The following COL18A1 variants were observed in gnomAD, a reference collection of about 807,000 sequenced individuals.
COL18A1 encodes the protein collagen type XVIII alpha 1 chain.
Under a neutral mutation model 168.0 loss-of-function variants are expected in COL18A1, and 133 were observed. That is an observed-to-expected ratio of 0.79 (90% confidence interval 0.69 to 0.91). The LOEUF (loss-of-function observed/expected upper bound fraction) is 0.91, where lower values mean the gene tolerates loss of function less well. Ranked by LOEUF, COL18A1 falls within the 40% of genes least tolerant of loss-of-function variation. The pLI, the probability that COL18A1 is intolerant of heterozygous loss-of-function variation, is 0.00. For synonymous variants in COL18A1, 949 were observed against 809.0 expected, an observed-to-expected ratio of 1.17 and a Z score of -2.94; for missense variants, 2,126 against 1,925.4, an observed-to-expected ratio of 1.10 and a Z score of -1.95.
chr21:45,480,736 G>A lies in COL18A1; in HGVS notation c.1489G>A (p.Gly497Ser), dbSNP rs780897956. ...CTTCCCTGGACCTCCCGGACCCCCC[G>A]GTGTCCCAGGCCTGCCCGGCGAGCC... ...RGFPGPPGPP[G>S]VPGLPGEPGR... The change falls in exon 13 of 42, where the codon GGT becomes AGT. Residue 497 changes from glycine (G) to serine (S), a missense_variant. Physicochemically the swap from Gly to Ser is moderately conservative, Grantham distance 56 (BLOSUM62 0). Coordinates refer to ENST00000651438, the MANE Select transcript of COL18A1 (RefSeq NM_001379500.1). The A allele has an allele frequency of 5.6e-6, 9 of 1,610,756 alleles. No homozygotes were observed. The highest frequency in any genetic ancestry group is 1.1e-5 in the South Asian group (1 of 91,082).
intron 22 of COL18A1, among the ~76,000 whole-genome samples, chr21:45,491,830 A>G (rs1602542057): frequency 6.6e-6 from 1 of 152,326 alleles, no homozygotes; most frequent in East Asian, 1.9e-4. Context: ...CCGCCCAGCC[A>G]CATGGAACAC....
intron 30 of COL18A1, 126 bp from the exon 31 acceptor site, chr21:45,496,924 A>T (rs1304690114): frequency 1.4e-6 from 1 of 729,544 alleles, no homozygotes; most frequent in Non-Finnish European, 2.5e-6. Context: ...CCCGTCTCTG[A>T]CTGGGGGAGG....
At chr21:45,414,928 G>A (rs925824177) in intron 2 of COL18A1, among the ~76,000 whole-genome samples, 1 of 152,136 alleles carries the variant, frequency 6.6e-6, no homozygotes, top group Non-Finnish European at 1.5e-5. Context: ...TATAGAGAAG[G>A]GGCAGGACAG....
Position 45,490,821 on chromosome 21 carries a change from T to G in COL18A1, c.2032-15T>G, listed in dbSNP as rs763885621. On this transcript the variant is annotated splice_polypyrimidine_tract_variant and intron_variant, in intron 20 of 41. Coordinates refer to ENST00000651438, the MANE Select transcript of COL18A1 (RefSeq NM_001379500.1). Reference sequence around the variant, plus strand: ...TTTCTGTTGGTGATGAACCATTTCCTTCCTGTCTCTCCAGGGGCCAAAGGG... The same window carrying G: ...TTTCTGTTGGTGATGAACCATTTCCGTCCTGTCTCTCCAGGGGCCAAAGGG... 1.3e-6 allele frequency: 2 copies of G among 1,550,014 alleles called. No homozygotes were observed. The highest frequency in any genetic ancestry group is 2.4e-5 in the East Asian group (1 of 40,906).
At chr21:45,479,082 TGA>T (rs2035786766) in intron 9 of COL18A1, among the ~76,000 whole-genome samples, 3 of 151,508 alleles carry the variant, frequency 2.0e-5, no homozygotes, top group Non-Finnish European at 2.9e-5. Flanking sequence ...CGCACGCGTG[TGA>T]GTGTGGGGTG....
In COL18A1 at chr21:45,443,132, G is replaced by GGGT. The variant is rs1431789008; in HGVS notation, c.107-25108_107-25107insTGG. Among the ~76,000 whole-genome samples the GGGT allele has an allele frequency of 1.3e-5, 2 of 149,442 alleles. No homozygotes were observed. Among genetic ancestry groups the GGGT allele is most frequent in the East Asian group, 4.0e-4 (2 of 5,008 alleles). On this transcript the variant is annotated intron_variant, in intron 2 of 41. Transcript: ENST00000651438. The surrounding 1 kb of genome is among the most constrained non-coding windows in gnomAD (Gnocchi z 5.2). ...CTGGTGTGGGCGGCGGTGCTGGTGT[G>GGGT]GGCGGCGGTGCTGGTGTGGGCGGCG...
At position 45,494,870 on chromosome 21, in the gene COL18A1, C is replaced by T. The variant is rs139122081; in HGVS notation, c.2388C>T (p.Tyr796=). 1.7e-4 allele frequency: 278 copies of T among 1,609,546 alleles called. No homozygotes were observed. Among genetic ancestry groups the T allele is most frequent in the Middle Eastern group, 8.3e-4 (5 of 6,056 alleles). The change falls in exon 28 of 42, where the codon TAC becomes TAT. Residue 796 remains tyrosine (Y), a synonymous_variant. Coordinates refer to ENST00000651438, the MANE Select transcript of COL18A1 (RefSeq NM_001379500.1). ...CCCCCTTCCTCTTGCAGGGTCCATA[C>T]GGACGGCCGGGGTACAAGGGAGAGA... ...EPGFRGPPGP[Y]GRPGYKGEIG...
At chr21:45,478,016 TG>T (rs2035743725) in intron 8 of COL18A1, 51 bp downstream of exon 8, 1 of 1,022,724 alleles carries the variant, frequency 9.8e-7, no homozygotes, top group Non-Finnish European at 1.5e-6. Context: ...GGTGGGGGCT[TG>T]GGTAGGAGGG....
At chr21:45,405,349 C>T in intron 1 of COL18A1, 30 bp from the exon 2 acceptor site, 2 of 940,510 alleles carry the variant, frequency 2.1e-6, no homozygotes, top group Middle Eastern at 4.8e-4. Context: ...GGGGGTCCTG[C>T]GGGGTCTGAC....
chr21:45,412,587 C>A (rs1027312049), intron 2 of COL18A1, among the ~76,000 whole-genome samples: 2 of 152,106 alleles, frequency 1.3e-5, no homozygotes, highest in African/African-American at 4.8e-5. Flanking sequence ...CCTCATTTTT[C>A]TGGTCCCTTT....
rs571812274 is a variant in COL18A1 at position 45,480,527 on chromosome 21, G to A, written c.1452+7G>A. 1 of 1,614,108 alleles carries A rather than the reference G, an allele frequency of 6.2e-7. No homozygotes were observed. Among genetic ancestry groups the A allele is most frequent in the East Asian group, 2.2e-5 (1 of 44,868 alleles). On this transcript the variant is annotated splice_region_variant and intron_variant, in intron 12 of 41. Transcript: ENST00000651438. ...CGATCTGGAGGCCCTGCGGGTGAGT[G>A]GCCCTTAAACTGCAGCGCTGCCCGA...
chr21:45,505,523 C>G, intron 36 of COL18A1, 92 bp downstream of exon 36: 2 of 757,726 alleles, frequency 2.6e-6, no homozygotes, highest in Non-Finnish European at 4.5e-6. Flanking sequence ...CCCACGGACC[C>G]CACAGGGAGA....
intron 2 of COL18A1, among the ~76,000 whole-genome samples, chr21:45,407,809 T>C (rs1263798964): frequency 6.6e-6 from 1 of 152,248 alleles, no homozygotes; most frequent in Non-Finnish European, 1.5e-5. Flanking sequence ...GACCTCCTCC[T>C]GTCTGGTGGT....
chr21:45,421,572 A>C (rs754290932), intron 2 of COL18A1: 1 of 534,410 alleles, frequency 1.9e-6, no homozygotes, highest in African/African-American at 1.9e-5. Context: ...TCGGCCTTCC[A>C]TTTCTTAAAT....
intron 2 of COL18A1, among the ~76,000 whole-genome samples, chr21:45,431,376 C>T (rs1172125008): frequency 6.7e-6 from 1 of 150,092 alleles, no homozygotes; most frequent in African/African-American, 2.5e-5. Flanking sequence ...GCAGGCAGGA[C>T]CCGGCGGCCC....
chr21:45,435,707 A>T (rs1318994938), intron 2 of COL18A1, among the ~76,000 whole-genome samples: 1 of 151,974 alleles, frequency 6.6e-6, no homozygotes, highest in African/African-American at 2.4e-5. Flanking sequence ...TGGGAGTCCT[A>T]TAGGGTGAAG....
At chr21:45,492,256 G>A (rs562416293) in intron 22 of COL18A1, among the ~76,000 whole-genome samples, 38 of 152,294 alleles carry the variant, frequency 2.5e-4, no homozygotes, top group African/African-American at 7.9e-4. Flanking sequence ...AGCCACCTCC[G>A]CCGGCAAGCA....
chr21:45,440,244 C>G (rs1426222294), intron 2 of COL18A1, among the ~76,000 whole-genome samples: 1 of 152,254 alleles, frequency 6.6e-6, no homozygotes, highest in African/African-American at 2.4e-5. Context: ...CTGCGTTCTC[C>G]AAGCTCTGCA....
At chr21:45,448,373 C>T (rs542290189) in intron 2 of COL18A1, among the ~76,000 whole-genome samples, 11 of 152,318 alleles carry the variant, frequency 7.2e-5, no homozygotes, top group African/African-American at 1.2e-4. Context: ...CGTACATATC[C>T]GCACACATCC....
Sources: gnomAD v4.1 joint callset for allele counts (sites outside exome capture counted in the v4.1 genomes callset) on GRCh38, gnomAD v4.1.1 for gene constraint, Gnocchi (gnomAD v3.1) non-coding constraint, MANE v1.5 for transcripts, NCBI Gene and HGNC (gene_info 2026-07-23, HGNC 2026-07-21) for gene names.